The following ELL2 variants were observed in gnomAD, a reference collection of about 807,000 sequenced individuals.
The protein encoded by ELL2 is elongation factor for RNA polymerase II 2.
Under a neutral mutation model 72.8 loss-of-function variants are expected in ELL2, and 21 were observed. The observed-to-expected ratio is 0.29, with a 90% confidence interval of 0.20 to 0.42. ELL2 has a LOEUF of 0.42. Ranked by LOEUF, ELL2 falls within the 10% of genes least tolerant of loss-of-function variation. The pLI, the probability that ELL2 is intolerant of heterozygous loss-of-function variation, is 1.00. For synonymous variants in ELL2, 266 were observed against 283.2 expected (o/e 0.94, Z 0.61); for missense variants, 568 against 772.8 (o/e 0.73, Z 3.14).
At chr5:95,938,869 G>T (rs1339440996) in intron 2 of ELL2, among the ~76,000 whole-genome samples, 2 of 152,094 alleles carry the variant, frequency 1.3e-5, no homozygotes, top group Admixed American at 1.3e-4. Context: ...TAATACCGAG[G>T]TCTAGAATCT....
At chr5:95,920,466 C>T (rs900837816) in intron 2 of ELL2, among the ~76,000 whole-genome samples, 5 of 151,862 alleles carry the variant, frequency 3.3e-5, no homozygotes, top group African/African-American at 2.4e-5. Context: ...CCCGCCACTA[C>T]GCCCAGCTAA....
Position 95,901,046 on chromosome 5 carries a change from G to A in ELL2, c.776C>T (p.Thr259Ile), listed in dbSNP as rs750469219. The change falls in exon 6 of 12, where the codon ACC (threonine) becomes ATC (isoleucine). Residue 259 changes from threonine (T) to isoleucine (I), a missense_variant. This residue lies in a region of ELL2 where 511 missense variants were observed against 728.4 expected (regional missense o/e 0.70). Coordinates refer to ENST00000237853, the MANE Select transcript of ELL2 (RefSeq NM_012081.6). ...ANLNSKDLSYTLKDYVFKELQ... is the reference protein window; with the variant it reads ...ANLNSKDLSYILKDYVFKELQ... ...CTCTTTAAAAACATAATCCTTTAAG[G>A]TATATGAGAGGTCCTTAGAATTCAG... 1 of 1,611,630 alleles carries A rather than the reference G, an allele frequency of 6.2e-7. No individual in the cohort carries two copies. The highest frequency in any genetic ancestry group is 8.5e-7 in the Non-Finnish European group (1 of 1,179,416).
At position 95,961,689 on chromosome 5, in the gene ELL2, C is replaced by A; in HGVS notation, c.33G>T (p.Glu11Asp). ...CGCACGACAGCCCATAGCGCTGCTC[C>A]TCCCGCAGGCCCCCTGTCCCCCCCG... Reference protein sequence around the residue: MAAGGTGGLREEQRYGLSCGR... With the variant: MAAGGTGGLRDEQRYGLSCGR... Residue 11 changes from glutamate to aspartate, a missense_variant, in exon 1 of 12, where the codon GAG (glutamate) becomes GAT (aspartate). Transcript: ENST00000237853. 1 of 1,605,460 alleles carries A rather than the reference C, an allele frequency of 6.2e-7. No homozygotes were observed. Among genetic ancestry groups the A allele is most frequent in the Non-Finnish European group, 8.5e-7 (1 of 1,176,966 alleles).
At chr5:95,928,065 T>G (rs1750461001) in intron 2 of ELL2, among the ~76,000 whole-genome samples, 1 of 151,846 alleles carries the variant, frequency 6.6e-6, no homozygotes, top group African/African-American at 2.4e-5. Flanking sequence ...TGTTTGGTAG[T>G]TGGGTATTTC....
intron 3 of ELL2, among the ~76,000 whole-genome samples, chr5:95,914,802 G>A (rs988674258): frequency 5.9e-5 from 9 of 152,060 alleles, no homozygotes; most frequent in South Asian, 4.2e-4. Context: ...CTGAGATGGC[G>A]CCACTGCACT....
chr5:95,949,664 A>G (rs2112355384), intron 1 of ELL2, among the ~76,000 whole-genome samples: 1 of 151,858 alleles, frequency 6.6e-6, no homozygotes, highest in Admixed American at 6.6e-5. Context: ...CTACCTTTGT[A>G]TCTAAGCTGC....
rs764210324 is a variant in ELL2 at position 95,898,387 on chromosome 5, T to C, written c.1378A>G (p.Lys460Glu). The change falls in exon 8 of 12, where the codon AAA becomes GAA. Residue 460 changes from lysine (K) to glutamate (E), a missense_variant. Lys to Glu is a moderately conservative substitution (Grantham distance 56). This residue lies in a region of ELL2 where 511 missense variants were observed against 728.4 expected (regional missense o/e 0.70). Transcript: ENST00000237853. ...TTTTTAGACTTCTTTTTGGACTTTT[T>C]GTGAGACATTGAATGGTTTTCTTCC... ...PMEENHSMSHKKSKKKSKKHK... is the reference protein window; with the variant it reads ...PMEENHSMSHEKSKKKSKKHK... 104 of 1,613,292 alleles carry C rather than the reference T, an allele frequency of 6.4e-5. No individual in the cohort carries two copies. The highest frequency in any genetic ancestry group is 8.3e-5 in the Non-Finnish European group (98 of 1,179,882).
intron 2 of ELL2, among the ~76,000 whole-genome samples, chr5:95,938,097 A>G (rs1197035569): frequency 6.6e-6 from 1 of 152,224 alleles, no homozygotes; most frequent in East Asian, 1.9e-4. Flanking sequence ...CCCACAAAGT[A>G]AAATAAATAA....
intron 2 of ELL2, among the ~76,000 whole-genome samples, chr5:95,921,700 G>A (rs115468802): frequency 0.028 from 4,194 of 152,294 alleles, 185 homozygotes; most frequent in African/African-American, 0.096. Flanking sequence ...TGGTATAACA[G>A]TACTCACTAA....
chr5:95,889,519 T>C (rs888389969), intron 10 of ELL2, among the ~76,000 whole-genome samples: 1 of 152,224 alleles, frequency 6.6e-6, no homozygotes, highest in Non-Finnish European at 1.5e-5. Flanking sequence ...ATGCATTATA[T>C]TGTTTAGTGA....
rs1485537112 is a variant in ELL2 at position 95,900,723 on chromosome 5, A to G, written c.924T>C (p.Cys308=). Residue 308 remains cysteine, a synonymous_variant, in exon 7 of 12, where the codon TGT becomes TGC. Coordinates refer to ENST00000237853, the MANE Select transcript of ELL2 (RefSeq NM_012081.6). ...AGTSRSESPV[C]SSRDAVSSPQ... ...GAGAAGATACAGCGTCTCTACTAGA[A>G]CATACAGGAGATTCTGAACGGCTGG... 1.2e-6 allele frequency: 2 copies of G among 1,606,816 alleles called. No individual in the cohort carries two copies. The highest frequency in any genetic ancestry group is 2.7e-5 in the African/African-American group (2 of 74,400).
intron 9 of ELL2, among the ~76,000 whole-genome samples, 164 bp from the exon 10 acceptor site, chr5:95,891,438 C>T (rs1748658713): frequency 6.6e-6 from 1 of 152,168 alleles, no homozygotes; most frequent in Admixed American, 6.5e-5. Context: ...CAAACATCTT[C>T]CAGGTAAAAT....
rs1009108482 is a variant in ELL2, at chr5:95,912,655, G to A, written c.481+1116C>T. Among the ~76,000 whole-genome samples, 3 of 152,198 alleles carry A rather than the reference G, an allele frequency of 2.0e-5. No individual in the cohort carries two copies. The East Asian group carries it at 5.8e-4, about 29-fold the overall frequency. ...AGTCTCATTGCTAGTAACTTACTGA[G>A]CAGGGAACTAGGCCCCATGGGTACA... On this transcript the variant is annotated intron_variant, in intron 4 of 11. Transcript: ENST00000237853.
At chr5:95,961,550 C>T (rs369571062) in intron 1 of ELL2, 25 bp downstream of exon 1, 1 of 1,557,570 alleles carries the variant, frequency 6.4e-7, no homozygotes, top group Non-Finnish European at 8.7e-7. Flanking sequence ...CTCTCTGAGC[C>T]CAGCCTGCCG....
rs183358447 is a variant in ELL2 at position 95,958,811 on chromosome 5, C to T, written c.147+2764G>A. 3.9e-4 allele frequency among the ~76,000 whole-genome samples: 60 copies of T among 152,214 alleles called. No individual in the cohort carries two copies. In the East Asian group the frequency reaches 0.011, roughly 27 times the overall value. ...CTGCCTCTGTAGAGACCAACCAGAC[C>T]CATAAATGGGCATGTACAGAAATGG... On this transcript the variant is annotated intron_variant, in intron 1 of 11. Transcript: ENST00000237853.
chr5:95,959,321 GC>G (rs1751727416), intron 1 of ELL2, among the ~76,000 whole-genome samples: 1 of 152,106 alleles, frequency 6.6e-6, no homozygotes, highest in South Asian at 2.1e-4. Flanking sequence ...GTCTTTCTCT[GC>G]TCCTCGGGTC....
chr5:95,892,545 CA>C (rs1561487945), intron 9 of ELL2, among the ~76,000 whole-genome samples: 1 of 152,170 alleles, frequency 6.6e-6, no homozygotes, highest in African/African-American at 2.4e-5. Flanking sequence ...ATCATTAATG[CA>C]AACTTCCCTT....
In ELL2 at chr5:95,949,990, C is replaced by T. The variant is rs541009947; in HGVS notation, c.148-6941G>A. 3.9e-5 allele frequency among the ~76,000 whole-genome samples: 6 copies of T among 152,240 alleles called. No individual in the cohort carries two copies. The East Asian group carries it at 1.2e-3, about 29-fold the overall frequency. On this transcript the variant is annotated intron_variant, in intron 1 of 11. Transcript: ENST00000237853. ...GAAGGCTACATGGCTAATAAGTGAC[C>T]TGGGGCTCAGAACTGTGCTCTTATT... is the stretch of plus-strand genomic sequence containing the variant.
At chr5:95,895,392 C>G (rs141216806) in intron 9 of ELL2, among the ~76,000 whole-genome samples, 1 of 152,168 alleles carries the variant, frequency 6.6e-6, no homozygotes, top group Non-Finnish European at 1.5e-5. Flanking sequence ...GGACAGGATT[C>G]TCTATACTTA....
Sources: gnomAD v4.1 joint callset for allele counts (sites outside exome capture counted in the v4.1 genomes callset) on GRCh38, gnomAD v4.1.1 for gene constraint, gnomAD v4.1.1 regional missense constraint, MANE v1.5 for transcripts, NCBI Gene and HGNC (gene_info 2026-07-23, HGNC 2026-07-21) for gene names.